THRB: variants seen among roughly 807,000 people sequenced by gnomAD.
THRB encodes nuclear receptor subfamily 1 group A member 2.
A neutral mutation model predicts 47.8 loss-of-function variants in THRB; 12 were observed. The observed-to-expected ratio is 0.25, with a 90% confidence interval of 0.16 to 0.41. The LOEUF (loss-of-function observed/expected upper bound fraction) is 0.41, where lower values mean the gene tolerates loss of function less well. Ranked by LOEUF, THRB falls within the 10% of genes least tolerant of loss-of-function variation. The pLI, the probability that THRB is intolerant of heterozygous loss-of-function variation, is 1.00. For missense variants in THRB, 348 were observed against 589.2 expected (o/e 0.59, Z 4.24); for synonymous variants, 218 against 212.2 (o/e 1.03, Z -0.24).
chr3:24,337,396 T>A (rs1356440377), intron 1 of THRB, 25 bp from the exon 2 acceptor site: 4 of 152,210 alleles, frequency 2.6e-5, no homozygotes, highest in Non-Finnish European at 4.4e-5. Flanking sequence ...ACACAGAAGA[T>A]AAATATAATT....
chr3:24,228,408 A>C (rs941623483), intron 4 of THRB, among the ~76,000 whole-genome samples: 2 of 152,180 alleles, frequency 1.3e-5, no homozygotes, highest in African/African-American at 4.8e-5. Flanking sequence ...CAACTTCTGA[A>C]AATATACACT....
chr3:24,321,458 T>C (rs981328676), intron 2 of THRB, among the ~76,000 whole-genome samples: 1 of 152,164 alleles, frequency 6.6e-6, no homozygotes, highest in Non-Finnish European at 1.5e-5. Flanking sequence ...AGAAATAACA[T>C]AGATTCCTTT....
At chr3:24,293,389 C>T (rs968291934) in intron 3 of THRB, among the ~76,000 whole-genome samples, 1 of 152,128 alleles carries the variant, frequency 6.6e-6, no homozygotes, top group Non-Finnish European at 1.5e-5. Context: ...ATGCCTTTCC[C>T]CTTCTTACTA....
chr3:24,296,345 T>G (rs1408738406), intron 3 of THRB, among the ~76,000 whole-genome samples: 1 of 152,230 alleles, frequency 6.6e-6, no homozygotes, highest in Non-Finnish European at 1.5e-5. Context: ...TGGCTTCCTA[T>G]TTTAGGATAA....
At chr3:24,395,718 T>A (rs902722484) in intron 1 of THRB, among the ~76,000 whole-genome samples, 1 of 152,090 alleles carries the variant, frequency 6.6e-6, no homozygotes, top group African/African-American at 2.4e-5. Flanking sequence ...TCTCCAATAG[T>A]TAAACATAAA....
intron 3 of THRB, among the ~76,000 whole-genome samples, chr3:24,232,136 A>G (rs1208344168): frequency 6.6e-6 from 1 of 152,194 alleles, no homozygotes; most frequent in Non-Finnish European, 1.5e-5. Flanking sequence ...TAACTGCTTC[A>G]ACAGTTCAGC....
intron 1 of THRB, among the ~76,000 whole-genome samples, chr3:24,364,339 T>C (rs2064297133): frequency 6.6e-6 from 1 of 152,194 alleles, no homozygotes; most frequent in African/African-American, 2.4e-5. Context: ...CTGAGTGAAG[T>C]CATGCAGTGG....
chr3:24,159,289 C>A (rs1023260251), intron 5 of THRB, among the ~76,000 whole-genome samples: 5 of 151,744 alleles, frequency 3.3e-5, no homozygotes, highest in Admixed American at 1.3e-4. Flanking sequence ...ATACTGCTCT[C>A]CCTGCAGGTG....
At chr3:24,225,591 T>G (rs62253721) in intron 4 of THRB, among the ~76,000 whole-genome samples, 1 of 152,134 alleles carries the variant, frequency 6.6e-6, no homozygotes, top group Non-Finnish European at 1.5e-5. Flanking sequence ...CCAGCACAGT[T>G]TGAATTCTTG....
intron 1 of THRB, among the ~76,000 whole-genome samples, chr3:24,390,490 A>G (rs989834718): frequency 6.6e-6 from 1 of 152,132 alleles, no homozygotes; most frequent in Non-Finnish European, 1.5e-5. Context: ...CATTCCCATT[A>G]TAGTAATCCC....
At chr3:24,135,846 T>TATATAA (rs1231598841) in intron 8 of THRB, among the ~76,000 whole-genome samples, 103 of 121,170 alleles carry the variant, frequency 8.5e-4, no homozygotes, top group African/African-American at 2.6e-3. Context: ...TATATATATA[T>TATATAA]AATACATAAA....
intron 2 of THRB, among the ~76,000 whole-genome samples, chr3:24,301,379 A>G (rs1055749389): frequency 1.3e-5 from 2 of 152,188 alleles, no homozygotes; most frequent in Non-Finnish European, 2.9e-5. Context: ...GATCATTTGA[A>G]TGTGCTTTTC....
intron 3 of THRB, among the ~76,000 whole-genome samples, chr3:24,279,522 C>T (rs887865283): frequency 6.6e-6 from 1 of 151,632 alleles, no homozygotes; most frequent in East Asian, 1.9e-4. Context: ...GTAGCTGGGA[C>T]TACAGGCGCC....
At chr3:24,369,403 T>C (rs2064738056) in intron 1 of THRB, among the ~76,000 whole-genome samples, 1 of 152,180 alleles carries the variant, frequency 6.6e-6, no homozygotes, top group African/African-American at 2.4e-5. Context: ...AGCTGAGGTT[T>C]GAACTCATGT....
chr3:24,326,606 T>A (rs2061606974), intron 2 of THRB, among the ~76,000 whole-genome samples: 1 of 152,080 alleles, frequency 6.6e-6, no homozygotes, highest in South Asian at 2.1e-4. Context: ...GTGTTTTGCA[T>A]AGAGAAAAGC....
At chr3:24,270,006 C>T (rs576714641) in intron 3 of THRB, among the ~76,000 whole-genome samples, 30 of 151,948 alleles carry the variant, frequency 2.0e-4, no homozygotes, top group African/African-American at 6.8e-4. Flanking sequence ...TTAAACTATG[C>T]TATTTAAGGT....
intron 1 of THRB, among the ~76,000 whole-genome samples, chr3:24,416,797 G>C (rs906643494): frequency 6.6e-6 from 1 of 151,820 alleles, no homozygotes; most frequent in African/African-American, 2.4e-5. Context: ...CAGACTCACA[G>C]AATCAATCTC....
intron 9 of THRB, among the ~76,000 whole-genome samples, chr3:24,128,398 A>C (rs531276403): frequency 6.6e-6 from 1 of 152,318 alleles, no homozygotes; most frequent in Admixed American, 6.5e-5. Flanking sequence ...TCAGCACCTT[A>C]GACACAGGAT....
At chr3:24,198,912 A>G (rs996557709) in intron 4 of THRB, among the ~76,000 whole-genome samples, 1 of 152,080 alleles carries the variant, frequency 6.6e-6, no homozygotes, top group Admixed American at 6.5e-5. Context: ...CTCCTAAGGG[A>G]ATTGAGGATA....
Sources: allele counts gnomAD v4.1 joint callset (sites outside exome capture counted in the v4.1 genomes callset), GRCh38; gene constraint gnomAD v4.1.1; transcripts MANE v1.5; gene names NCBI Gene and HGNC (gene_info 2026-07-23, HGNC 2026-07-21).